The following GNAO1 variants were observed in gnomAD, a reference collection of about 807,000 sequenced individuals.
The protein encoded by GNAO1 is guanine nucleotide-binding protein G(o) subunit alpha.
For synonymous variants in GNAO1, 164 were observed against 180.7 expected (o/e 0.91, Z 0.74); for missense variants, 166 against 478.7 (o/e 0.35, Z 6.10).
At chr16:56,312,217 C>T (rs1004076932) in intron 3 of GNAO1, among the ~76,000 whole-genome samples, 15 of 152,320 alleles carry the variant, frequency 9.8e-5, no homozygotes, top group African/African-American at 3.4e-4. Flanking sequence ...AGGCGGCTGG[C>T]GTTCAATCCC....
intron 2 of GNAO1, among the ~76,000 whole-genome samples, chr16:56,219,109 A>G (rs1325381108): frequency 2.6e-5 from 4 of 152,232 alleles, no homozygotes; most frequent in Non-Finnish European, 5.9e-5. Flanking sequence ...TAGGAATATC[A>G]TGGGGCATGA....
At chr16:56,252,456 G>A (rs1319888256) in intron 2 of GNAO1, among the ~76,000 whole-genome samples, 1 of 152,216 alleles carries the variant, frequency 6.6e-6, no homozygotes, top group African/African-American at 2.4e-5. Flanking sequence ...CTTGCTCAGA[G>A]CACAAGCTTC....
intron 2 of GNAO1, chr16:56,213,359 G>T (rs535779504): frequency 2.5e-6 from 1 of 398,482 alleles, no homozygotes; most frequent in Non-Finnish European, 4.4e-6. Context: ...CTCCTGGAGT[G>T]TTCTGACATT....
intron 3 of GNAO1, among the ~76,000 whole-genome samples, chr16:56,303,594 C>CAGTAGAGT (rs1255547792): frequency 6.6e-6 from 1 of 152,164 alleles, no homozygotes; most frequent in African/African-American, 2.4e-5. Context: ...CAGTAGAGCC[C>CAGTAGAGT]CTCGTGACTG....
intron 2 of GNAO1, among the ~76,000 whole-genome samples, chr16:56,218,515 C>T (rs1237794184): frequency 6.6e-6 from 1 of 152,162 alleles, no homozygotes; most frequent in Non-Finnish European, 1.5e-5. Flanking sequence ...ACTATACCAT[C>T]ACCGTGATAC....
intron 3 of GNAO1, among the ~76,000 whole-genome samples, chr16:56,287,202 G>C (rs1332004810): frequency 6.6e-6 from 1 of 152,232 alleles, no homozygotes; most frequent in African/African-American, 2.4e-5. Context: ...GTGAAGAGGG[G>C]AGATAGGCTG....
At chr16:56,228,084 CG>C (rs1361413851) in intron 2 of GNAO1, among the ~76,000 whole-genome samples, 2 of 152,316 alleles carry the variant, frequency 1.3e-5, no homozygotes, top group East Asian at 3.9e-4. Flanking sequence ...TCTCACCCCA[CG>C]GTTGGCATGA....
At chr16:56,238,115 G>A (rs1407388602) in intron 2 of GNAO1, among the ~76,000 whole-genome samples, 3 of 83,314 alleles carry the variant, frequency 3.6e-5, no homozygotes, top group African/African-American at 1.3e-4. Context: ...CCCCCCGCCC[G>A]CCCCACACAC....
chr16:56,344,204 ATC>A, intron 6 of GNAO1: 1 of 1,403,688 alleles, frequency 7.1e-7, no homozygotes, highest in Non-Finnish European at 9.2e-7. Flanking sequence ...CCTCTGTGTC[ATC>A]TCTGAGTGCT....
At chr16:56,249,923 G>A (rs62036916) in intron 2 of GNAO1, among the ~76,000 whole-genome samples, 2,183 of 152,310 alleles carry the variant, frequency 0.014, 18 homozygotes, top group Middle Eastern at 0.051. Context: ...ACCAATCACT[G>A]GTTAGGGCAG....
intron 3 of GNAO1, among the ~76,000 whole-genome samples, chr16:56,295,991 T>C (rs1372127791): frequency 6.6e-6 from 1 of 152,232 alleles, no homozygotes; most frequent in Admixed American, 6.5e-5. Context: ...ATTAGGGACC[T>C]TGGCCGTCCT....
intron 3 of GNAO1, among the ~76,000 whole-genome samples, chr16:56,297,811 G>A (rs780428171): frequency 1.3e-5 from 2 of 152,060 alleles, no homozygotes; most frequent in Non-Finnish European, 2.9e-5. Flanking sequence ...ATGGAAAAAT[G>A]TGTGCAGCTG....
In GNAO1 at chr16:56,289,546, G is replaced by C. The variant is rs73558365; in HGVS notation, c.303+13474G>C. On this transcript the variant is annotated intron_variant, in intron 3 of 8. Coordinates refer to ENST00000262493, the MANE Select transcript of GNAO1 (RefSeq NM_020988.3). ...AGGGTAACCATGTCTCAGGGACGCA[G>C]GAGATGAGCGGCCCCATGCAAAGCT... Among the ~76,000 whole-genome samples the C allele has an allele frequency of 8.1e-3, 1,230 of 152,334 alleles. 21 individuals are homozygous for C. The highest frequency in any genetic ancestry group is 0.028 in the African/African-American group (1,161 of 41,566).
chr16:56,194,372 C>A, intron 2 of GNAO1: 1 of 426,190 alleles, frequency 2.3e-6, no homozygotes, highest in Non-Finnish European at 4.8e-6. Context: ...CCCCTTTCTC[C>A]CGAGGGGGGA....
chr16:56,321,889 A>G (rs2037574953), intron 3 of GNAO1, among the ~76,000 whole-genome samples: 1 of 152,240 alleles, frequency 6.6e-6, no homozygotes, highest in South Asian at 2.1e-4. Context: ...CAGACCTGGT[A>G]TCTTCATCCA....
rs183364579 is a variant in GNAO1, at chr16:56,219,819, G to A, written c.161+27203G>A. The stretch of plus-strand genomic sequence containing the variant: ...GCCCTTGAGAGAGAAGCATCTGGAA[G>A]TGTGTGCTAAAGCTCCCAGAGCAAT... On this transcript the variant is annotated intron_variant, in intron 2 of 8. Transcript: ENST00000262493. Among the ~76,000 whole-genome samples, 151 of 152,274 alleles carry A rather than the reference G, an allele frequency of 9.9e-4. 1 individual carries two copies. Among genetic ancestry groups the A allele is most frequent in the South Asian group, 1.9e-3 (9 of 4,818 alleles).
At chr16:56,291,065 G>A (rs2037227668) in intron 3 of GNAO1, among the ~76,000 whole-genome samples, 1 of 152,150 alleles carries the variant, frequency 6.6e-6, no homozygotes, top group Non-Finnish European at 1.5e-5. Flanking sequence ...TATGAATAAT[G>A]CTGCTGTGAA....
chr16:56,255,617 G>A (rs1198174011), intron 2 of GNAO1: 1 of 152,048 alleles, frequency 6.6e-6, no homozygotes, highest in African/African-American at 2.4e-5. Flanking sequence ...GTCTTTTCTT[G>A]TCGTCCTTCC....
Position 56,191,794 on chromosome 16 carries a change from G to T in GNAO1, c.-442G>T. On this transcript the variant is annotated 5_prime_UTR_variant, in exon 1 of 9. Coordinates refer to ENST00000262493, the MANE Select transcript of GNAO1 (RefSeq NM_020988.3). This position sits in a 1 kb window ranked among gnomAD's most constrained non-coding sequence, Gnocchi z 4.7. ...CTCCACCTCCTCCTCCGCCGCCGCC[G>T]CCTCCTCCTCCTCCGGCAGCCGCGG... The T allele has an allele frequency of 2.4e-5, 5 of 208,690 alleles. No individual in the cohort carries two copies. The highest frequency in any genetic ancestry group is 7.7e-5 in the South Asian group (1 of 12,906). The allele number at this position is 208,690 out of a possible 1,614,324, so 12.9% of individuals were successfully genotyped here. A position where few individuals can be genotyped will look rare whatever the true frequency, so the allele number is the denominator to read the frequency against.
Sources: gnomAD v4.1 joint callset for allele counts (sites outside exome capture counted in the v4.1 genomes callset) on GRCh38, gnomAD v4.1.1 for gene constraint, Gnocchi (gnomAD v3.1) non-coding constraint, MANE v1.5 for transcripts, NCBI Gene and HGNC (gene_info 2026-07-23, HGNC 2026-07-21) for gene names.